PCBP3: variants seen among roughly 807,000 people sequenced by gnomAD.
PCBP3 encodes poly(rC) binding protein 3.
In PCBP3, 25 loss-of-function variants were observed where a neutral mutation model predicts 52.7. The ratio of observed to expected loss-of-function variants is 0.47; its 90% confidence interval spans 0.35 to 0.66. PCBP3 has a LOEUF of 0.66. Among genes scored for constraint, PCBP3 ranks in the 30% least tolerant of loss-of-function variants. The pLI, the probability that PCBP3 is intolerant of heterozygous loss-of-function variation, is 0.01. For missense variants in PCBP3, 391 were observed against 490.3 expected, an observed-to-expected ratio of 0.80 and a Z score of 1.91; for synonymous variants, 162 against 183.0, an observed-to-expected ratio of 0.89 and a Z score of 0.93.
chr21:45,680,011 A>G (rs1274101297), intron 2 of PCBP3, among the ~76,000 whole-genome samples: 1 of 152,240 alleles, frequency 6.6e-6, no homozygotes, highest in Non-Finnish European at 1.5e-5. Flanking sequence ...TCATTTCTCC[A>G]AAATCATTTG....
At chr21:45,718,850 C>T (rs2084409125) in intron 2 of PCBP3, among the ~76,000 whole-genome samples, 1 of 152,122 alleles carries the variant, frequency 6.6e-6, no homozygotes, top group African/African-American at 2.4e-5. Context: ...ATGTGATTGC[C>T]ACAGGATATT....
At chr21:45,662,492 G>T (rs1403734552) in intron 1 of PCBP3, among the ~76,000 whole-genome samples, 1 of 151,668 alleles carries the variant, frequency 6.6e-6, no homozygotes, top group Non-Finnish European at 1.5e-5. Flanking sequence ...TTTTCTGTGG[G>T]CGGCAAGCCA....
At chr21:45,717,560 C>G (rs2084310985) in intron 2 of PCBP3, among the ~76,000 whole-genome samples, 1 of 152,060 alleles carries the variant, frequency 6.6e-6, no homozygotes, top group Non-Finnish European at 1.5e-5. Flanking sequence ...TGAAATTTGT[C>G]AAATGCTTTT....
At chr21:45,922,834 G>A (rs776088857) in intron 13 of PCBP3, among the ~76,000 whole-genome samples, 4 of 152,240 alleles carry the variant, frequency 2.6e-5, no homozygotes, top group East Asian at 1.9e-4. Context: ...ATGAGCCAGG[G>A]AATGGGAGGG....
intron 5 of PCBP3, among the ~76,000 whole-genome samples, chr21:45,855,481 G>C (rs1569328521): frequency 6.6e-6 from 1 of 152,326 alleles, no homozygotes; most frequent in East Asian, 1.9e-4. Flanking sequence ...GCATGCGTGG[G>C]AAGGCCTGGA....
intron 2 of PCBP3, among the ~76,000 whole-genome samples, chr21:45,713,774 G>T (rs1347952661): frequency 6.6e-6 from 1 of 152,240 alleles, no homozygotes; most frequent in Non-Finnish European, 1.5e-5. Context: ...CAGATGTGCA[G>T]CCATGTGAGT....
intron 5 of PCBP3, among the ~76,000 whole-genome samples, chr21:45,868,358 C>T (rs988399265): frequency 6.6e-6 from 1 of 151,714 alleles, no homozygotes; most frequent in East Asian, 1.9e-4. Flanking sequence ...TGCTCTGCGC[C>T]GCCGAATCTC....
intron 2 of PCBP3, among the ~76,000 whole-genome samples, chr21:45,716,589 C>G (rs879940800): frequency 7.2e-5 from 11 of 152,118 alleles, no homozygotes; most frequent in Non-Finnish European, 1.5e-4. Context: ...GACACTAGTT[C>G]TTTTGGATTA....
chr21:45,687,229 A>G (rs1206147839), intron 2 of PCBP3, among the ~76,000 whole-genome samples: 2 of 152,222 alleles, frequency 1.3e-5, no homozygotes, highest in Non-Finnish European at 2.9e-5. Context: ...CTATAATTCT[A>G]TTTCCAGAGT....
Position 45,929,950 on chromosome 21 carries a change from C to T in PCBP3, c.751C>T (p.Gln251Ter). The change falls in exon 14 of 18, where the codon CAA (glutamine) becomes TAA (stop). Residue 251 changes from glutamine to a stop codon, truncating the protein, a stop_gained. Coordinates refer to ENST00000681687, the MANE Select transcript of PCBP3 (RefSeq NM_001384156.1). LOFTEE classifies it high-confidence loss of function. ...LTKLHQLAMQ[Q>*]TPFPPLGQTN... Reference sequence around the variant, plus strand: ...CAAGCTCCACCAGTTGGCCATGCAGCAAACCCCCTTTCCTCCCCTCGGACA... The same window carrying T: ...CAAGCTCCACCAGTTGGCCATGCAGTAAACCCCCTTTCCTCCCCTCGGACA... 1 of 1,613,980 alleles carries T rather than the reference C, an allele frequency of 6.2e-7. No individual in the cohort carries two copies. Among genetic ancestry groups the T allele is most frequent in the Non-Finnish European group, 8.5e-7 (1 of 1,179,952 alleles).
chr21:45,927,671 T>C (rs1383910833), intron 13 of PCBP3, among the ~76,000 whole-genome samples: 1 of 151,708 alleles, frequency 6.6e-6, no homozygotes, highest in African/African-American at 2.4e-5. Context: ...AGAAGAGAGA[T>C]TTGTTTGCTA....
Position 45,880,044 on chromosome 21 carries a change from C to T in PCBP3, c.11-16164C>T, listed in dbSNP as rs918913918. On this transcript the variant is annotated intron_variant, in intron 5 of 17. Coordinates refer to ENST00000681687, the MANE Select transcript of PCBP3 (RefSeq NM_001384156.1). This position sits in a 1 kb window ranked among gnomAD's most constrained non-coding sequence, Gnocchi z 5.4. ...TCATGGGTTTCAAGAGCTTGCAAAACGGTGGCAGTTCTCTGCTGTCTGCGT... is the reference window on the plus strand; with the variant it reads ...TCATGGGTTTCAAGAGCTTGCAAAATGGTGGCAGTTCTCTGCTGTCTGCGT... Among the ~76,000 whole-genome samples the T allele has an allele frequency of 2.0e-5, 3 of 152,152 alleles. No homozygotes were observed. Among genetic ancestry groups the T allele is most frequent in the African/African-American group, 4.8e-5 (2 of 41,426 alleles).
intron 1 of PCBP3, among the ~76,000 whole-genome samples, chr21:45,662,480 GTT>G (rs1164500901): frequency 6.6e-6 from 1 of 151,572 alleles, no homozygotes; most frequent in South Asian, 2.1e-4. Context: ...GTCCAGAAGA[GTT>G]TTTCTGTGGG....
chr21:45,824,455 G>C (rs977507107), intron 4 of PCBP3, among the ~76,000 whole-genome samples: 5 of 152,320 alleles, frequency 3.3e-5, no homozygotes, highest in East Asian at 3.9e-4. Context: ...ATGGAAGGAG[G>C]GGGCAGACTG....
At chr21:45,868,352 C>G (rs532253003) in intron 5 of PCBP3, among the ~76,000 whole-genome samples, 7 of 151,772 alleles carry the variant, frequency 4.6e-5, no homozygotes, top group Non-Finnish European at 1.0e-4. Context: ...ACATCCTGCT[C>G]TGCGCCGCCG....
chr21:45,836,896 T>C (rs7278258), intron 4 of PCBP3, among the ~76,000 whole-genome samples: 77,989 of 151,944 alleles, frequency 0.51, 20,678 homozygotes, highest in East Asian at 0.82. Context: ...TTTGTGTGCC[T>C]GGCTGCATAG....
At chr21:45,819,313 C>G (rs1248636294) in intron 4 of PCBP3, among the ~76,000 whole-genome samples, 2 of 152,242 alleles carry the variant, frequency 1.3e-5, no homozygotes, top group Non-Finnish European at 2.9e-5. Flanking sequence ...CTAAACAAAG[C>G]AGTCGGAGTC....
intron 2 of PCBP3, among the ~76,000 whole-genome samples, chr21:45,689,387 A>G (rs1326915965): frequency 2.0e-5 from 3 of 151,686 alleles, no homozygotes; most frequent in African/African-American, 7.2e-5. Context: ...AATTCAACAC[A>G]CATTGATGAT....
chr21:45,769,008 G>A (rs1305163644), intron 4 of PCBP3, among the ~76,000 whole-genome samples: 2 of 152,240 alleles, frequency 1.3e-5, no homozygotes, highest in African/African-American at 4.8e-5. Flanking sequence ...CTGCTTCTCT[G>A]TTCAGGGCTG....
Sources: gnomAD v4.1 joint callset for allele counts (sites outside exome capture counted in the v4.1 genomes callset) on GRCh38, gnomAD v4.1.1 for gene constraint, Gnocchi (gnomAD v3.1) non-coding constraint, MANE v1.5 for transcripts, NCBI Gene and HGNC (gene_info 2026-07-23, HGNC 2026-07-21) for gene names.